Variants in FARSB observed in about 807,000 individuals in gnomAD.
FARSB encodes the protein phenylalanine--tRNA ligase beta subunit.
In FARSB, 40 loss-of-function variants were observed where a neutral mutation model predicts 69.6. The ratio of observed to expected loss-of-function variants is 0.57; its 90% CI spans 0.45 to 0.75. The LOEUF is 0.75. Ranked by LOEUF, FARSB falls within the 30% of genes least tolerant of loss-of-function variation. The probability of loss-of-function intolerance (pLI) is 0.00; values close to 1 mark genes in which losing one functional copy is unlikely to be tolerated. For synonymous variants in FARSB, 235 were observed against 247.2 expected (o/e 0.95, Z 0.46); for missense variants, 632 against 722.9 (o/e 0.87, Z 1.44).
intron 15 of FARSB, among the ~76,000 whole-genome samples, chr2:222,611,720 A>G (rs1057220111): frequency 2.0e-5 from 3 of 152,252 alleles, no homozygotes; most frequent in African/African-American, 7.2e-5. Context: ...AGAGAAGCAG[A>G]GTACAGTCTA....
At chr2:222,573,144 T>C (rs546628763) in intron 16 of FARSB, among the ~76,000 whole-genome samples, 1 of 152,298 alleles carries the variant, frequency 6.6e-6, no homozygotes, top group South Asian at 2.1e-4. Flanking sequence ...AACCGGCTAC[T>C]GTCAAGTTAG....
chr2:222,571,640 G>C lies in FARSB; in HGVS notation c.*231C>G. 2.4e-6 allele frequency: 1 copy of C among 420,810 alleles called. No individual in the cohort carries two copies. The allele number at this position is 420,810 out of a possible 1,614,324, so 26.1% of individuals were successfully genotyped here. On this transcript the variant is annotated 3_prime_UTR_variant, in exon 17 of 17. Coordinates refer to ENST00000281828, the MANE Select transcript of FARSB (RefSeq NM_005687.5). ...CTAGTGCATTTCTCCAGCACTCCAC[G>C]GGGCTTTTACCCAACAATGCAGCTT...
intron 16 of FARSB, among the ~76,000 whole-genome samples, chr2:222,597,827 ATT>A (rs939667189): frequency 6.6e-6 from 1 of 152,104 alleles, no homozygotes; most frequent in African/African-American, 2.4e-5. Context: ...CAACCTACAT[ATT>A]GCTGCTAAAT....
chr2:222,623,475 G>C (rs1017574891), intron 13 of FARSB, among the ~76,000 whole-genome samples, 175 bp downstream of exon 13: 2 of 152,026 alleles, frequency 1.3e-5, no homozygotes, highest in African/African-American at 4.8e-5. Flanking sequence ...AAAAACAAAA[G>C]CTTCAACATT....
chr2:222,640,825 A>C, intron 4 of FARSB, 37 bp downstream of exon 4: 1 of 1,155,368 alleles, frequency 8.7e-7, no homozygotes, highest in Non-Finnish European at 1.3e-6. Context: ...TACAAAAGAA[A>C]ATTTTTAAAA....
intron 1 of FARSB, among the ~76,000 whole-genome samples, chr2:222,652,266 C>T (rs1382863548): frequency 6.6e-6 from 1 of 152,076 alleles, no homozygotes; most frequent in African/African-American, 2.4e-5. Context: ...CTTCTGAGGG[C>T]CTTGGGAGGG....
intron 16 of FARSB, among the ~76,000 whole-genome samples, chr2:222,572,992 C>A (rs1255084440): frequency 6.6e-6 from 1 of 152,114 alleles, no homozygotes; most frequent in South Asian, 2.1e-4. Context: ...CTATAAACAC[C>A]CATGCAGAGC....
At chr2:222,608,274 T>C (rs1690758472) in intron 15 of FARSB, among the ~76,000 whole-genome samples, 1 of 152,200 alleles carries the variant, frequency 6.6e-6, no homozygotes, top group South Asian at 2.1e-4. Context: ...ATGTGGACGC[T>C]AGATAATCCT....
chr2:222,592,457 C>T (rs1464071860), intron 16 of FARSB, among the ~76,000 whole-genome samples: 1 of 151,992 alleles, frequency 6.6e-6, no homozygotes, highest in Non-Finnish European at 1.5e-5. Context: ...CCGAGTGCTG[C>T]CCCATTTTGG....
At position 222,569,454 on chromosome 2, in the gene FARSB, C is replaced by T. The variant is rs1689679174; in HGVS notation, c.*2417G>A. On this transcript the variant is annotated 3_prime_UTR_variant, in exon 17 of 17. Transcript: ENST00000281828. ...ACCTTGAGCACAACTGCCAATTCTACAGTTCAGGCTATTTCTCTAGGCATT... is the reference window on the plus strand; with the variant it reads ...ACCTTGAGCACAACTGCCAATTCTATAGTTCAGGCTATTTCTCTAGGCATT... The T allele has an allele frequency of 3.3e-5, 5 of 152,226 alleles. No individual in the cohort carries two copies. In the South Asian group the frequency reaches 1.0e-3, roughly 32 times the overall value. The allele number at this position is 152,226 out of a possible 1,614,324, so 9.4% of individuals were successfully genotyped here.
intron 5 of FARSB, among the ~76,000 whole-genome samples, chr2:222,635,654 A>G (rs1047531595): frequency 3.9e-5 from 6 of 152,222 alleles, no homozygotes; most frequent in Admixed American, 1.3e-4. Flanking sequence ...ACCTCAAAAC[A>G]TCACCAAAAT....
intron 8 of FARSB, 60 bp downstream of exon 8, chr2:222,631,544 G>T: frequency 4.4e-6 from 4 of 912,912 alleles, no homozygotes; most frequent in Non-Finnish European, 7.3e-6. Context: ...CTTAGTCTTG[G>T]TCCGGAAATA....
At chr2:222,586,399 C>G (rs1175493261) in intron 16 of FARSB, among the ~76,000 whole-genome samples, 1 of 152,114 alleles carries the variant, frequency 6.6e-6, no homozygotes, top group African/African-American at 2.4e-5. Context: ...CCAGCCACTG[C>G]AAAAACATAC....
chr2:222,619,682 GC>G lies in FARSB; in HGVS notation c.1306del (p.Ala436GlnfsTer4). ...TGTTTTAGGATTACTTATGTGGACT[GC>G]CTTTGTTGCAGAGATATCCACACCT... The part of the protein sequence containing the change: ...KLGVDISATK[A>X]VHISNPKTAE... On this transcript the variant is annotated frameshift_variant, in exon 14 of 17. Transcript: ENST00000281828. LOFTEE classifies it high-confidence loss of function. 1 of 1,606,790 alleles carries G rather than the reference GC, an allele frequency of 6.2e-7. No individual in the cohort carries two copies. The highest frequency in any genetic ancestry group is 8.5e-7 in the Non-Finnish European group (1 of 1,173,960).
At chr2:222,606,590 C>T (rs1365758759) in intron 15 of FARSB, among the ~76,000 whole-genome samples, 1 of 152,090 alleles carries the variant, frequency 6.6e-6, no homozygotes, top group South Asian at 2.1e-4. Flanking sequence ...ATCTAAGCTG[C>T]GCAAAGGAGG....
intron 15 of FARSB, among the ~76,000 whole-genome samples, chr2:222,612,550 C>A (rs1690885173): frequency 6.6e-6 from 1 of 152,208 alleles, no homozygotes. Context: ...TTATCCTCTT[C>A]TGGAGAAATT....
At chr2:222,641,219 A>C (rs1691712202) in intron 3 of FARSB, among the ~76,000 whole-genome samples, 1 of 152,214 alleles carries the variant, frequency 6.6e-6, no homozygotes, top group African/African-American at 2.4e-5. Context: ...GCAACCGTTT[A>C]AGGAGCATTT....
chr2:222,605,193 C>CTCTCTCTCTG (rs762324554), intron 15 of FARSB, among the ~76,000 whole-genome samples: 22 of 151,852 alleles, frequency 1.4e-4, no homozygotes, highest in Admixed American at 2.0e-4. Context: ...CTCTCTCTCT[C>CTCTCTCTCTG]TGTGTCTCCC....
intron 13 of FARSB, among the ~76,000 whole-genome samples, chr2:222,622,503 G>A (rs2121566): frequency 0.32 from 48,064 of 152,026 alleles, 7,787 homozygotes; most frequent in Middle Eastern, 0.45. Context: ...ATGTATTCCT[G>A]TGACACTCAT....
Sources: gnomAD v4.1 joint callset for allele counts (sites outside exome capture counted in the v4.1 genomes callset) on GRCh38, gnomAD v4.1.1 for gene constraint, MANE v1.5 for transcripts, NCBI Gene and HGNC (gene_info 2026-07-23, HGNC 2026-07-21) for gene names.